CPVL: variants seen among roughly 807,000 people sequenced by gnomAD.
CPVL encodes the protein probable serine carboxypeptidase CPVL.
A neutral mutation model predicts 63.7 loss-of-function variants in CPVL; 51 were observed. The ratio of observed to expected loss-of-function variants is 0.80; its 90% CI spans 0.64 to 1.01. The LOEUF (loss-of-function observed/expected upper bound fraction) is 1.01. Among genes scored for constraint, CPVL ranks in the 50% least tolerant of loss-of-function variants. The probability of loss-of-function intolerance (pLI) is 0.00; values close to 1 mark genes in which losing one functional copy is unlikely to be tolerated. For missense variants in CPVL, 530 were observed against 573.1 expected (o/e 0.92, Z 0.77); for synonymous variants, 195 against 206.0 (o/e 0.95, Z 0.46).
chr7:29,118,333 G>A (rs903242243), intron 2 of CPVL, among the ~76,000 whole-genome samples: 1 of 152,140 alleles, frequency 6.6e-6, no homozygotes, highest in Non-Finnish European at 1.5e-5. Flanking sequence ...TACTGTTAAT[G>A]AACAGAAATC....
chr7:29,131,712 C>A (rs1432048776), intron 1 of CPVL, among the ~76,000 whole-genome samples: 1 of 152,186 alleles, frequency 6.6e-6, no homozygotes, highest in East Asian at 1.9e-4. Flanking sequence ...GGAATTTTGC[C>A]ATGTTGGCCA....
intron 10 of CPVL, 147 bp downstream of exon 10, chr7:29,065,876 C>G (rs2128566949): frequency 2.0e-6 from 1 of 493,906 alleles, no homozygotes; most frequent in Non-Finnish European, 3.6e-6. Flanking sequence ...GGAAAAGATT[C>G]TATGGGTTAG....
chr7:29,092,051 A>G (rs1438868328), intron 6 of CPVL, among the ~76,000 whole-genome samples: 1 of 152,160 alleles, frequency 6.6e-6, no homozygotes, highest in African/African-American at 2.4e-5. Flanking sequence ...GACTGGAAAA[A>G]TCTGACCAAA....
chr7:28,996,549 CA>C (rs549584191), intron 12 of CPVL, among the ~76,000 whole-genome samples: 4,475 of 113,494 alleles, frequency 0.039, 48 homozygotes, highest in Middle Eastern at 0.085. Flanking sequence ...AACCAAAAAA[CA>C]AAAAAAAAAA....
intron 12 of CPVL, among the ~76,000 whole-genome samples, chr7:29,023,642 C>T (rs902581691): frequency 3.9e-5 from 6 of 152,156 alleles, no homozygotes; most frequent in African/African-American, 1.4e-4. Context: ...AGAACTGGCC[C>T]ACCTGGTGTC....
At chr7:29,123,421 A>C (rs1789573453) in intron 1 of CPVL, among the ~76,000 whole-genome samples, 3 of 151,720 alleles carry the variant, frequency 2.0e-5, no homozygotes, top group South Asian at 4.2e-4. Context: ...ATAATAAAGA[A>C]CAAAATGAAT....
chr7:29,054,120 C>T (rs1790477362), intron 11 of CPVL, among the ~76,000 whole-genome samples: 1 of 151,968 alleles, frequency 6.6e-6, no homozygotes, highest in Non-Finnish European at 1.5e-5. Context: ...AAATAGTATA[C>T]CCTTTACATA....
intron 11 of CPVL, among the ~76,000 whole-genome samples, chr7:29,061,851 CAGG>C (rs749706389): frequency 1.3e-5 from 2 of 151,126 alleles, no homozygotes; most frequent in Non-Finnish European, 2.9e-5. Context: ...GAGGCTGAGG[CAGG>C]AGAATTGCTT....
intron 9 of CPVL, among the ~76,000 whole-genome samples, chr7:29,069,603 G>C (rs1296048653): frequency 6.6e-6 from 1 of 152,170 alleles, no homozygotes; most frequent in Non-Finnish European, 1.5e-5. Flanking sequence ...GAATATCTAA[G>C]ACGATCCAGG....
At chr7:29,120,745 C>T (rs1469943424) in intron 2 of CPVL, 148 bp downstream of exon 2, 11 of 668,438 alleles carry the variant, frequency 1.6e-5, no homozygotes, top group Admixed American at 1.3e-4. Context: ...TGCTTGAACC[C>T]GGGAGGCGGA....
At chr7:29,095,606 A>C (rs999766896) in intron 4 of CPVL, among the ~76,000 whole-genome samples, 13 of 152,086 alleles carry the variant, frequency 8.5e-5, no homozygotes, top group South Asian at 2.1e-4. Context: ...AAAAAAAAAA[A>C]AACAAAATGA....
At chr7:29,061,909 A>G (rs928319035) in intron 11 of CPVL, among the ~76,000 whole-genome samples, 4 of 151,242 alleles carry the variant, frequency 2.6e-5, no homozygotes, top group African/African-American at 9.8e-5. Flanking sequence ...GCACCATTGC[A>G]CTACAGCTGG....
chr7:29,175,051 C>T (rs368214594), intron 5 of CPVL, among the ~76,000 whole-genome samples: 1 of 152,108 alleles, frequency 6.6e-6, no homozygotes, highest in Non-Finnish European at 1.5e-5. Flanking sequence ...AATTGTAGCT[C>T]CCATAATTCC....
intron 12 of CPVL, among the ~76,000 whole-genome samples, chr7:29,002,007 A>G (rs1228906048): frequency 1.3e-5 from 2 of 152,232 alleles, no homozygotes; most frequent in African/African-American, 2.4e-5. Flanking sequence ...GAGAGAGGCC[A>G]TGATCGTAGA....
intron 1 of CPVL, chr7:29,192,810 C>T (rs909437549): frequency 5.3e-5 from 8 of 152,158 alleles, no homozygotes; most frequent in African/African-American, 9.7e-5. Flanking sequence ...CAGTTGTCTT[C>T]GAAGCCCAGA....
chr7:29,030,862 T>C (rs1449786968), intron 11 of CPVL, 103 bp from the exon 12 acceptor site: 3 of 960,196 alleles, frequency 3.1e-6, no homozygotes, highest in South Asian at 1.9e-5. Context: ...AAAAGAGACA[T>C]GAATCTCTCT....
At chr7:29,131,170 C>G (rs1262471084) in intron 1 of CPVL, among the ~76,000 whole-genome samples, 4 of 150,504 alleles carry the variant, frequency 2.7e-5, no homozygotes, top group Admixed American at 2.6e-4. Context: ...GACTCCGTCT[C>G]AAAAAATAAA....
chr7:28,999,831 C>T (rs2128123882), intron 12 of CPVL, among the ~76,000 whole-genome samples: 1 of 152,280 alleles, frequency 6.6e-6, no homozygotes, highest in East Asian at 1.9e-4. Context: ...GATTCACATA[C>T]AGCATTTTAC....
intron 3 of CPVL, among the ~76,000 whole-genome samples, chr7:29,096,719 C>T (rs1252707497): frequency 6.6e-6 from 1 of 152,130 alleles, no homozygotes; most frequent in Non-Finnish European, 1.5e-5. Context: ...CGCGGTGGCT[C>T]ACGCCTGTAA....
Sources: gnomAD v4.1 joint callset for allele counts (sites outside exome capture counted in the v4.1 genomes callset) on GRCh38, gnomAD v4.1.1 for gene constraint, MANE v1.5 for transcripts, NCBI Gene and HGNC (gene_info 2026-07-23, HGNC 2026-07-21) for gene names.